The following GALNT13 variants were observed in gnomAD, a reference collection of about 807,000 sequenced individuals.
GALNT13 encodes the protein UDP-GalNAc:polypeptide N-acetylgalactosaminyltransferase 13.
Under a neutral mutation model 64.2 loss-of-function variants are expected in GALNT13, and 28 were observed. The observed-to-expected ratio is 0.44, with a 90% CI of 0.32 to 0.60. The LOEUF is 0.60. Among genes scored for constraint, GALNT13 ranks in the 20% least tolerant of loss-of-function variants. The pLI is 0.05. For missense variants in GALNT13, 577 were observed against 669.8 expected (o/e 0.86, Z 1.53); for synonymous variants, 214 against 224.6 (o/e 0.95, Z 0.42).
the GALNT13 span, among the ~76,000 whole-genome samples, chr2:153,186,884 T>A: frequency 6.6e-6 from 1 of 152,196 alleles, no homozygotes; most frequent in South Asian, 2.1e-4. Context: ...GTTTTTGTAG[T>A]GGCAGGTAAC....
the GALNT13 span, among the ~76,000 whole-genome samples, chr2:153,177,368 A>G: frequency 1.3e-5 from 2 of 152,124 alleles, no homozygotes; most frequent in South Asian, 2.1e-4. Flanking sequence ...CTTGATTCCC[A>G]CAGAAGGAAG....
At chr2:153,711,353 G>A in the GALNT13 span, among the ~76,000 whole-genome samples, 1 of 152,112 alleles carries the variant, frequency 6.6e-6, no homozygotes, top group Non-Finnish European at 1.5e-5. Flanking sequence ...AATAGCTCAA[G>A]CTATAGGCTT....
At chr2:153,798,717 A>G in the GALNT13 span, among the ~76,000 whole-genome samples, 1 of 152,156 alleles carries the variant, frequency 6.6e-6, no homozygotes, top group African/African-American at 2.4e-5. Context: ...TATTTTATCT[A>G]AGTTGTTATA....
At chr2:153,152,480 A>T in the GALNT13 span, among the ~76,000 whole-genome samples, 1 of 151,870 alleles carries the variant, frequency 6.6e-6, no homozygotes, top group East Asian at 1.9e-4. Context: ...GTAAACTTGT[A>T]TCATGGGTGT....
At chr2:154,129,731 G>A (rs2105542772) in intron 3 of GALNT13, among the ~76,000 whole-genome samples, 1 of 151,890 alleles carries the variant, frequency 6.6e-6, no homozygotes, top group East Asian at 1.9e-4. Context: ...TGATACCTAT[G>A]TTAATTCCCA....
chr2:154,388,689 G>T (rs1698630963), intron 9 of GALNT13, among the ~76,000 whole-genome samples: 2 of 123,852 alleles, frequency 1.6e-5, no homozygotes, highest in African/African-American at 3.4e-5. Context: ...GATTAACAAT[G>T]GCTTATTATT....
the GALNT13 span, among the ~76,000 whole-genome samples, chr2:153,566,291 A>G: frequency 6.6e-6 from 1 of 150,546 alleles, no homozygotes; most frequent in African/African-American, 2.5e-5. Flanking sequence ...TAAAAATATA[A>G]TAGGTGTATT....
intron 3 of GALNT13, among the ~76,000 whole-genome samples, chr2:154,139,796 A>G (rs956564532): frequency 1.3e-5 from 2 of 152,092 alleles, no homozygotes; most frequent in Admixed American, 6.6e-5. Flanking sequence ...TGAAGTTTCA[A>G]TTATAGAGCA....
At chr2:154,343,567 C>A (rs1559102053) in intron 9 of GALNT13, among the ~76,000 whole-genome samples, 1 of 152,026 alleles carries the variant, frequency 6.6e-6, no homozygotes. Flanking sequence ...AAACTTACAT[C>A]AAGTCAGTCA....
chr2:154,349,468 T>A (rs763713210), intron 9 of GALNT13, among the ~76,000 whole-genome samples: 5 of 152,210 alleles, frequency 3.3e-5, no homozygotes, highest in Non-Finnish European at 7.3e-5. Flanking sequence ...CATAAATATA[T>A]CCCTTAGAAA....
At chr2:153,323,038 G>A in the GALNT13 span, among the ~76,000 whole-genome samples, 1 of 152,088 alleles carries the variant, frequency 6.6e-6, no homozygotes, top group South Asian at 2.1e-4. Flanking sequence ...TGGGTCAAAT[G>A]GTATTTCTGG....
At chr2:153,939,228 C>G (rs1409372043) in intron 2 of GALNT13, among the ~76,000 whole-genome samples, 3 of 152,096 alleles carry the variant, frequency 2.0e-5, no homozygotes, top group African/African-American at 4.8e-5. Context: ...CTGAAGGAAA[C>G]AAGAGCAGGG....
the GALNT13 span, among the ~76,000 whole-genome samples, chr2:153,602,510 G>C: frequency 6.6e-6 from 1 of 151,362 alleles, no homozygotes; most frequent in Non-Finnish European, 1.5e-5. Context: ...GAAAAAGTGA[G>C]GGAATTAGCC....
chr2:153,710,412 A>C, the GALNT13 span, among the ~76,000 whole-genome samples: 1 of 152,202 alleles, frequency 6.6e-6, no homozygotes, highest in African/African-American at 2.4e-5. Flanking sequence ...GTAAAATAAT[A>C]TCTCGATACT....
intron 4 of GALNT13, among the ~76,000 whole-genome samples, chr2:154,227,001 C>T (rs556849107): frequency 6.6e-6 from 1 of 152,148 alleles, no homozygotes; most frequent in African/African-American, 2.4e-5. Context: ...CCTCATTGAC[C>T]CTGCTCAAAT....
intron 3 of GALNT13, among the ~76,000 whole-genome samples, chr2:154,112,417 T>A (rs1703038246): frequency 6.6e-6 from 1 of 152,208 alleles, no homozygotes; most frequent in African/African-American, 2.4e-5. Context: ...ATTAAAATCC[T>A]CCTCTGCTGA....
chr2:153,304,777 C>T, the GALNT13 span, among the ~76,000 whole-genome samples: 1 of 152,146 alleles, frequency 6.6e-6, no homozygotes, highest in African/African-American at 2.4e-5. Flanking sequence ...TCCAGCCCAT[C>T]GGTATTAACC....
At chr2:153,782,035 G>A in the GALNT13 span, among the ~76,000 whole-genome samples, 1 of 152,006 alleles carries the variant, frequency 6.6e-6, no homozygotes, top group African/African-American at 2.4e-5. Flanking sequence ...AGATCTTGAG[G>A]CCTGCTATTC....
chr2:154,155,047 A>G (rs1331443209), intron 4 of GALNT13, among the ~76,000 whole-genome samples: 13 of 151,992 alleles, frequency 8.6e-5, no homozygotes, highest in Admixed American at 8.5e-4. Context: ...ACATAAGAAC[A>G]TTAGATAAAT....
Sources: gnomAD v4.1 joint callset for allele counts (sites outside exome capture counted in the v4.1 genomes callset) on GRCh38, gnomAD v4.1.1 for gene constraint, MANE v1.5 for transcripts, NCBI Gene and HGNC (gene_info 2026-07-23, HGNC 2026-07-21) for gene names.